The following HSD17B4 variants were observed in gnomAD, a reference collection of about 807,000 sequenced individuals.
The protein encoded by HSD17B4 is peroxisomal multifunctional enzyme type 2.
Under a neutral mutation model 101.0 loss-of-function variants are expected in HSD17B4, and 70 were observed. That is an observed-to-expected ratio of 0.69 (90% CI 0.57 to 0.85). HSD17B4 has a LOEUF of 0.85. Among genes scored for constraint, HSD17B4 ranks in the 40% least tolerant of loss-of-function variants. HSD17B4 has a pLI of 0.00. For synonymous variants in HSD17B4, 347 were observed against 297.1 expected (o/e 1.17, Z -1.73); for missense variants, 984 against 892.4 (o/e 1.10, Z -1.31).
At chr5:119,513,635 C>T (rs921957216) in intron 16 of HSD17B4, among the ~76,000 whole-genome samples, 4 of 152,182 alleles carry the variant, frequency 2.6e-5, no homozygotes, top group African/African-American at 4.8e-5. Flanking sequence ...CCATCCACCT[C>T]GTGCTCCCTG....
intron 2 of HSD17B4, among the ~76,000 whole-genome samples, chr5:119,469,325 A>T (rs1041290629): frequency 4.0e-5 from 6 of 150,678 alleles, no homozygotes; most frequent in African/African-American, 1.5e-4. Flanking sequence ...ACTTAAAAAA[A>T]GTGTTTAAAG....
chr5:119,535,758 A>G (rs555510874), intron 22 of HSD17B4: 12 of 151,050 alleles, frequency 7.9e-5, no homozygotes, highest in African/African-American at 2.9e-4. Context: ...TTTTCTCTTC[A>G]AGGAAGTATA....
intron 2 of HSD17B4, among the ~76,000 whole-genome samples, chr5:119,465,125 A>T (rs1174183493): frequency 2.0e-5 from 3 of 152,096 alleles, no homozygotes; most frequent in African/African-American, 4.8e-5. Context: ...TAGAGATTGC[A>T]TTGAACCTGT....
At chr5:119,541,616 T>TA (rs1368869574) in intron 23 of HSD17B4, among the ~76,000 whole-genome samples, 1 of 152,118 alleles carries the variant, frequency 6.6e-6, no homozygotes, top group Non-Finnish European at 1.5e-5. Context: ...TGTAAGAACA[T>TA]AAAGTAAAGC....
chr5:119,518,582 T>A (rs1752851401), intron 17 of HSD17B4, among the ~76,000 whole-genome samples: 2 of 152,108 alleles, frequency 1.3e-5, no homozygotes, highest in African/African-American at 4.8e-5. Flanking sequence ...GAGAAGAGCA[T>A]GACGTGTGTA....
At chr5:119,523,400 C>A (rs1010732143) in intron 17 of HSD17B4, among the ~76,000 whole-genome samples, 2 of 151,868 alleles carry the variant, frequency 1.3e-5, no homozygotes, top group Non-Finnish European at 2.9e-5. Flanking sequence ...TTTAGCTTTC[C>A]TTCTGAAATA....
chr5:119,532,267 T>G (rs1158103669), intron 22 of HSD17B4, among the ~76,000 whole-genome samples: 1 of 152,128 alleles, frequency 6.6e-6, no homozygotes, highest in Non-Finnish European at 1.5e-5. Context: ...TTGTCACAGT[T>G]ATCTTACTGT....
chr5:119,507,220 A>T (rs182942357), intron 15 of HSD17B4, among the ~76,000 whole-genome samples: 3 of 152,340 alleles, frequency 2.0e-5, no homozygotes, highest in Non-Finnish European at 4.4e-5. Flanking sequence ...AATATTAGAT[A>T]GTCCTCACTT....
intron 19 of HSD17B4, among the ~76,000 whole-genome samples, chr5:119,526,675 T>A (rs1370688312): frequency 1.3e-5 from 2 of 151,988 alleles, no homozygotes; most frequent in African/African-American, 4.8e-5. Flanking sequence ...TTCATTTTGT[T>A]ACAACTATTT....
intron 11 of HSD17B4, among the ~76,000 whole-genome samples, chr5:119,495,037 C>CA: frequency 7.4e-6 from 1 of 135,518 alleles, no homozygotes; most frequent in East Asian, 2.4e-4. Context: ...AATGACTATT[C>CA]GGTTTTTTTT....
In HSD17B4 at chr5:119,525,284, A is replaced by G; in HGVS notation, c.1572A>G (p.Ala524=). 2 of 1,599,302 alleles carry G rather than the reference A, an allele frequency of 1.3e-6. No individual in the cohort carries two copies. The highest frequency in any genetic ancestry group is 2.2e-5 in the South Asian group (2 of 90,798). ...TTGATCCTAACTTTGCTAGTCTAGC[A>G]GGTGAGTTGTCTTTAATATGTATCA... The part of the protein sequence containing the change: ...LHIDPNFASL[A]GFDKPILHGL... Residue 524 remains alanine (A), a splice_region_variant and synonymous_variant, in exon 18 of 24, where the codon GCA becomes GCG. Transcript: ENST00000510025.
chr5:119,526,118 T>C (rs140865769), intron 19 of HSD17B4, 95 bp downstream of exon 19: 1 of 778,950 alleles, frequency 1.3e-6, no homozygotes, highest in Non-Finnish European at 2.3e-6. Flanking sequence ...AAATAGATAT[T>C]GTACTACAGC....
intron 17 of HSD17B4, among the ~76,000 whole-genome samples, chr5:119,520,213 C>G (rs1752993189): frequency 6.6e-6 from 1 of 151,432 alleles, no homozygotes; most frequent in Non-Finnish European, 1.5e-5. Flanking sequence ...ACTGGGTGAT[C>G]TTTCTGCTAC....
At chr5:119,505,818 G>T (rs1267087581) in intron 14 of HSD17B4, among the ~76,000 whole-genome samples, 1 of 151,630 alleles carries the variant, frequency 6.6e-6, no homozygotes, top group Admixed American at 6.6e-5. Context: ...GAAAGAATGG[G>T]GTAAACAGTA....
At position 119,517,374 on chromosome 5, in the gene HSD17B4, G is replaced by A. The variant is rs187705281; in HGVS notation, c.1503+2328G>A. Among the ~76,000 whole-genome samples the A allele has an allele frequency of 4.4e-3, 666 of 152,310 alleles. 6 individuals are homozygous for A. The highest frequency in any genetic ancestry group is 0.016 in the African/African-American group (649 of 41,590). ...GGGCTCGGGACCTGCAGCCCGCCATGCCTGAGCCTCCCACCCCCTCCATGG... is the reference window on the plus strand; with the variant it reads ...GGGCTCGGGACCTGCAGCCCGCCATACCTGAGCCTCCCACCCCCTCCATGG... On this transcript the variant is annotated intron_variant, in intron 17 of 23. Transcript: ENST00000510025.
At chr5:119,452,779 T>C (rs1345805379) in intron 1 of HSD17B4, 146 bp downstream of exon 1, 1 of 1,556,998 alleles carries the variant, frequency 6.4e-7, no homozygotes. Context: ...GCACCGCATC[T>C]CTTGAGGAGG....
intron 2 of HSD17B4, among the ~76,000 whole-genome samples, chr5:119,472,838 A>G (rs1177499804): frequency 2.6e-5 from 4 of 152,196 alleles, no homozygotes; most frequent in East Asian, 3.8e-4. Flanking sequence ...ATGAGTTTTG[A>G]TATTTTAGAT....
intron 2 of HSD17B4, among the ~76,000 whole-genome samples, chr5:119,473,651 C>T (rs1464782588): frequency 6.6e-6 from 1 of 152,098 alleles, no homozygotes; most frequent in African/African-American, 2.4e-5. Flanking sequence ...AGGAAAAACA[C>T]TGCACAGTTA....
At chr5:119,494,409 C>CT (rs956927598) in intron 11 of HSD17B4, among the ~76,000 whole-genome samples, 1 of 115,222 alleles carries the variant, frequency 8.7e-6, no homozygotes, top group African/African-American at 3.4e-5. Flanking sequence ...TTATTTAAGC[C>CT]TTTTTATTAT....
Sources: allele counts gnomAD v4.1 joint callset (sites outside exome capture counted in the v4.1 genomes callset), GRCh38; gene constraint gnomAD v4.1.1; transcripts MANE v1.5; gene names NCBI Gene and HGNC (gene_info 2026-07-23, HGNC 2026-07-21).